CCDC7: variants seen among roughly 807,000 people sequenced by gnomAD.
The protein encoded by CCDC7 is coiled-coil domain-containing protein 7.
Under a neutral mutation model 196.9 loss-of-function variants are expected in CCDC7, and 183 were observed. The ratio of observed to expected loss-of-function variants is 0.93; its 90% CI spans 0.82 to 1.05. CCDC7 has a LOEUF of 1.05. Among genes scored for constraint, CCDC7 ranks in the 50% least tolerant of loss-of-function variants. The pLI is 0.00. For synonymous variants in CCDC7, 525 were observed against 484.6 expected (o/e 1.08, Z -1.10); for missense variants, 1,540 against 1,482.2 (o/e 1.04, Z -0.64).
At chr10:32,513,337 G>T (rs890422301) in intron 9 of CCDC7, 2 of 151,956 alleles carry the variant, frequency 1.3e-5, no homozygotes, top group South Asian at 2.1e-4. Context: ...AGTAGTAAAA[G>T]ATTTAATTAG....
At chr10:32,669,451 GGCATTA>G (rs926516167) in intron 21 of CCDC7, among the ~76,000 whole-genome samples, 7 of 152,006 alleles carry the variant, frequency 4.6e-5, no homozygotes, top group African/African-American at 7.2e-5. Flanking sequence ...ACATTTGAGG[GGCATTA>G]GCATTAATTC....
intron 16 of CCDC7, among the ~76,000 whole-genome samples, chr10:32,580,834 G>T (rs560063084): frequency 6.7e-6 from 1 of 150,372 alleles, no homozygotes; most frequent in South Asian, 2.1e-4. Flanking sequence ...GGAAAGTTCC[G>T]GAAAAAGAAA....
At chr10:32,594,527 T>C (rs1043881654) in intron 18 of CCDC7, among the ~76,000 whole-genome samples, 5 of 152,174 alleles carry the variant, frequency 3.3e-5, no homozygotes, top group Non-Finnish European at 7.3e-5. Flanking sequence ...TTTTCCTAAT[T>C]GAATACCCTT....
At chr10:32,648,717 G>C (rs1421956685) in intron 20 of CCDC7, among the ~76,000 whole-genome samples, 1 of 152,148 alleles carries the variant, frequency 6.6e-6, no homozygotes, top group Non-Finnish European at 1.5e-5. Flanking sequence ...TGACAAACTT[G>C]AGATGGTATC....
chr10:32,859,524 C>A (rs554085988), intron 41 of CCDC7, among the ~76,000 whole-genome samples: 1 of 151,868 alleles, frequency 6.6e-6, no homozygotes, highest in Non-Finnish European at 1.5e-5. Context: ...GAAGCAAGAG[C>A]GAACAAATCC....
At chr10:32,496,557 T>G (rs1424687688) in intron 9 of CCDC7, among the ~76,000 whole-genome samples, 1 of 152,252 alleles carries the variant, frequency 6.6e-6, no homozygotes, top group African/African-American at 2.4e-5. Context: ...TATTTTGAGA[T>G]ACTTTCAGTC....
chr10:32,663,814 A>G (rs1314888067), intron 20 of CCDC7, among the ~76,000 whole-genome samples: 1 of 151,978 alleles, frequency 6.6e-6, no homozygotes, highest in Non-Finnish European at 1.5e-5. Context: ...ATTAAGAACA[A>G]GTAGAGGCTA....
At chr10:32,655,049 T>C (rs1027892917) in intron 20 of CCDC7, among the ~76,000 whole-genome samples, 10 of 152,228 alleles carry the variant, frequency 6.6e-5, no homozygotes, top group Admixed American at 1.3e-4. Context: ...CAAATAGATA[T>C]ATACCTTGAC....
chr10:32,505,634 C>T (rs1176665991), intron 9 of CCDC7, among the ~76,000 whole-genome samples: 1 of 151,898 alleles, frequency 6.6e-6, no homozygotes, highest in African/African-American at 2.4e-5. Flanking sequence ...CCACATTTCC[C>T]CCTTTTCTTT....
intron 18 of CCDC7, among the ~76,000 whole-genome samples, chr10:32,617,759 T>G (rs1341679515): frequency 6.6e-6 from 1 of 151,740 alleles, no homozygotes; most frequent in Admixed American, 6.6e-5. Flanking sequence ...AACTAATGTA[T>G]ATTCTGTAAT....
intron 21 of CCDC7, among the ~76,000 whole-genome samples, chr10:32,667,003 G>T (rs1012231441): frequency 3.8e-4 from 58 of 152,126 alleles, no homozygotes; most frequent in Non-Finnish European, 5.4e-4. Flanking sequence ...CAGTGTAAAA[G>T]CGTTCCTATT....
At chr10:32,851,315 A>C (rs2093556561) in intron 39 of CCDC7, among the ~76,000 whole-genome samples, 1 of 151,974 alleles carries the variant, frequency 6.6e-6, no homozygotes, top group South Asian at 2.1e-4. Context: ...TCCCTTTTTA[A>C]TTTCCTTCTT....
At chr10:32,670,192 ATTTATTTGATTATATGT>A (rs530102948) in intron 21 of CCDC7, among the ~76,000 whole-genome samples, 121 of 152,098 alleles carry the variant, frequency 8.0e-4, no homozygotes, top group African/African-American at 2.7e-3. Context: ...AGACAATGCA[ATTTATTTGATTATATGT>A]TTTAATAGTC....
intron 16 of CCDC7, among the ~76,000 whole-genome samples, chr10:32,579,330 ATAT>A (rs758811370): frequency 6.6e-6 from 1 of 152,144 alleles, no homozygotes; most frequent in Non-Finnish European, 1.5e-5. Context: ...CTTGTATGAA[ATAT>A]TATGGAATGA....
intron 18 of CCDC7, among the ~76,000 whole-genome samples, chr10:32,591,276 A>G (rs2059756413): frequency 6.7e-6 from 1 of 149,920 alleles, no homozygotes; most frequent in Non-Finnish European, 1.5e-5. Context: ...CCCTCTTGAA[A>G]CTCTCTAATT....
chr10:32,768,558 G>A (rs755080754), intron 28 of CCDC7, among the ~76,000 whole-genome samples: 22 of 151,946 alleles, frequency 1.4e-4, no homozygotes, highest in Non-Finnish European at 2.5e-4. Flanking sequence ...CCAGTATTAC[G>A]TTGAATAGGA....
chr10:32,727,162 A>G (rs1244283888), intron 26 of CCDC7, among the ~76,000 whole-genome samples: 1 of 152,078 alleles, frequency 6.6e-6, no homozygotes, highest in Non-Finnish European at 1.5e-5. Flanking sequence ...ATCACTTACC[A>G]CGTGTAGCGA....
intron 11 of CCDC7, among the ~76,000 whole-genome samples, chr10:32,531,835 C>T (rs1038817077): frequency 6.6e-6 from 1 of 152,072 alleles, no homozygotes; most frequent in Non-Finnish European, 1.5e-5. Context: ...AATTTGTTGA[C>T]TATTGTTGTT....
chr10:32,562,523 G>T (rs2055900279), intron 13 of CCDC7, among the ~76,000 whole-genome samples: 1 of 152,092 alleles, frequency 6.6e-6, no homozygotes, highest in Non-Finnish European at 1.5e-5. Context: ...ATGTAATCCA[G>T]CATATAAACA....
Sources: gnomAD v4.1 joint callset for allele counts (sites outside exome capture counted in the v4.1 genomes callset) on GRCh38, gnomAD v4.1.1 for gene constraint, MANE v1.5 for transcripts, NCBI Gene and HGNC (gene_info 2026-07-23, HGNC 2026-07-21) for gene names.